KRTAP15-1: variants seen among roughly 807,000 people sequenced by gnomAD.
KRTAP15-1 encodes the protein keratin associated protein 15-1.
For missense variants in KRTAP15-1, 181 were observed against 156.8 expected, an observed-to-expected ratio of 1.15 and a Z score of -0.83; for synonymous variants, 65 against 59.6, an observed-to-expected ratio of 1.09 and a Z score of -0.42.
rs560022331 is a variant in KRTAP15-1 at position 30,440,846 on chromosome 21, A to G, written c.*105A>G. ...AACTGCAACACTCAGCCTGTCCAAT[A>G]TCTGTGATTGTTGACCATCTACATC... On this transcript the variant is annotated 3_prime_UTR_variant, in exon 1 of 1. Transcript: ENST00000334067. The G allele has an allele frequency of 7.0e-5, 78 of 1,114,090 alleles. No individual in the cohort carries two copies. The African/African-American group carries it at 9.7e-4, about 14-fold the overall frequency. The allele number at this position is 1,114,090 out of a possible 1,614,324, so 69.0% of individuals were successfully genotyped here. A position where few individuals can be genotyped will look rare whatever the true frequency, so the allele number is the denominator to read the frequency against.
chr21:30,440,291 T>C lies in KRTAP15-1; in HGVS notation c.-37T>C. ...GGTAACATTCACACACACACGCTCC[T>C]CACTGCAAATCACCTGAGCTCAGAA... On this transcript the variant is annotated 5_prime_UTR_variant, in exon 1 of 1. Coordinates refer to ENST00000334067, the MANE Select transcript of KRTAP15-1 (RefSeq NM_181623.3). 6.4e-7 allele frequency: 1 copy of C among 1,551,790 alleles called. No individual in the cohort carries two copies. Among genetic ancestry groups the C allele is most frequent in the Non-Finnish European group, 8.8e-7 (1 of 1,142,004 alleles).
At position 30,440,782 on chromosome 21, in the gene KRTAP15-1, T is replaced by C; in HGVS notation, c.*41T>C. ...CGCCTTTTTGGATCATCTTACTGAA[T>C]ATTCTCCATTCTCTCATGATTATTT... is the stretch of plus-strand genomic sequence containing the variant. On this transcript the variant is annotated 3_prime_UTR_variant, in exon 1 of 1. Coordinates refer to ENST00000334067, the MANE Select transcript of KRTAP15-1 (RefSeq NM_181623.3). 1.3e-6 allele frequency: 2 copies of C among 1,531,998 alleles called. No homozygotes were observed. The highest frequency in any genetic ancestry group is 1.7e-4 in the Middle Eastern group (1 of 5,722). 94.9% of individuals were successfully genotyped at this position (1,531,998 alleles called of 1,614,324 possible). A position where few individuals can be genotyped will look rare whatever the true frequency, so the allele number is the denominator to read the frequency against.
In KRTAP15-1 at chr21:30,440,459, C is replaced by T. The variant is rs747200576; in HGVS notation, c.132C>T (p.Gly44=). 5.6e-6 allele frequency: 9 copies of T among 1,614,200 alleles called. No individual in the cohort carries two copies. Among genetic ancestry groups the T allele is most frequent in the Non-Finnish European group, 7.6e-6 (9 of 1,180,022 alleles). The change falls in exon 1 of 1, where the codon GGC becomes GGT. Residue 44 remains glycine (G), a synonymous_variant. Coordinates refer to ENST00000334067, the MANE Select transcript of KRTAP15-1 (RefSeq NM_181623.3). ...ATTCTCCAAATACCTGCCAACTGGG[C>T]TCCTCTCTCTACAATGGCTGTCAGG... ...AIYSPNTCQL[G]SSLYNGCQET...
Position 30,440,837 on chromosome 21 carries a change from C to G in KRTAP15-1, c.*96C>G. ...ACTCTATGGAACTGCAACACTCAGCCTGTCCAATATCTGTGATTGTTGACC... is the reference window on the plus strand; with the variant it reads ...ACTCTATGGAACTGCAACACTCAGCGTGTCCAATATCTGTGATTGTTGACC... On this transcript the variant is annotated 3_prime_UTR_variant, in exon 1 of 1. Transcript: ENST00000334067. 2.6e-6 allele frequency: 3 copies of G among 1,174,460 alleles called. No individual in the cohort carries two copies. The highest frequency in any genetic ancestry group is 3.7e-6 in the Non-Finnish European group (3 of 818,810). The allele number at this position is 1,174,460 out of a possible 1,614,324, so 72.8% of individuals were successfully genotyped here.
chr21:30,440,374 G>A lies in KRTAP15-1; in HGVS notation c.47G>A (p.Gly16Glu), dbSNP rs750001395. 3 of 1,613,396 alleles carry A rather than the reference G, an allele frequency of 1.9e-6. No individual in the cohort carries two copies. Among genetic ancestry groups the A allele is most frequent in the South Asian group, 2.2e-5 (2 of 90,968 alleles). ...SSGNFSSCCF[G>E]SYLRYPVSTY... ...GGAAACTTCTCCTCCTGCTGTTTTG[G>A]AAGTTACCTGAGGTATCCAGTTTCC... The change falls in exon 1 of 1, where the codon GGA becomes GAA. Residue 16 changes from glycine to glutamate, a missense_variant. Gly to Glu is a moderately conservative substitution (Grantham distance 98). Coordinates refer to ENST00000334067, the MANE Select transcript of KRTAP15-1 (RefSeq NM_181623.3).
In KRTAP15-1 at chr21:30,440,785, T is replaced by G. The variant is rs372411701; in HGVS notation, c.*44T>G. The stretch of plus-strand genomic sequence containing the variant: ...CTTTTTGGATCATCTTACTGAATAT[T>G]CTCCATTCTCTCATGATTATTTCTG... On this transcript the variant is annotated 3_prime_UTR_variant, in exon 1 of 1. Transcript: ENST00000334067. The G allele has an allele frequency of 6.6e-7, 1 of 1,513,962 alleles. No homozygotes were observed. Among genetic ancestry groups the G allele is most frequent in the Non-Finnish European group, 9.0e-7 (1 of 1,113,474 alleles). The allele number at this position is 1,513,962 out of a possible 1,614,324, so 93.8% of individuals were successfully genotyped here.
chr21:30,440,549 C>CTGTTACTG, the KRTAP15-1 span: 1 of 1,614,202 alleles, frequency 6.2e-7, no homozygotes, highest in Admixed American at 1.7e-5. Context: ...ATCAGACATC[C>CTGTTACTG]TGTTACTGCC....
Position 30,440,839 on chromosome 21 carries a change from G to A in KRTAP15-1, c.*98G>A, listed in dbSNP as rs1205746055. ...TCTATGGAACTGCAACACTCAGCCT[G>A]TCCAATATCTGTGATTGTTGACCAT... On this transcript the variant is annotated 3_prime_UTR_variant, in exon 1 of 1. Coordinates refer to ENST00000334067, the MANE Select transcript of KRTAP15-1 (RefSeq NM_181623.3). 5.2e-6 allele frequency: 6 copies of A among 1,156,264 alleles called. No homozygotes were observed. In the African/African-American group the frequency reaches 7.8e-5, roughly 15 times the overall value. The allele number at this position is 1,156,264 out of a possible 1,614,324, so 71.6% of individuals were successfully genotyped here.
Position 30,440,351 on chromosome 21 carries a change from A to T in KRTAP15-1, c.24A>T (p.Gly8=). 6.2e-7 allele frequency: 1 copy of T among 1,609,924 alleles called. No homozygotes were observed. Among genetic ancestry groups the T allele is most frequent in the East Asian group, 2.2e-5 (1 of 44,874 alleles). Residue 8 remains glycine (G), a synonymous_variant, in exon 1 of 1, where the codon GGA becomes GGT. Transcript: ENST00000334067. ...ACATGTCTTACAACTGCAGCTCTGGAAACTTCTCCTCCTGCTGTTTTGGAA... is the reference window on the plus strand; with the variant it reads ...ACATGTCTTACAACTGCAGCTCTGGTAACTTCTCCTCCTGCTGTTTTGGAA... MSYNCSS[G]NFSSCCFGSY... is the part of the protein sequence containing the mutation.
At position 30,440,364 on chromosome 21, in the gene KRTAP15-1, T is replaced by C. The variant is rs1984685138; in HGVS notation, c.37T>C (p.Cys13Arg). The C allele has an allele frequency of 6.2e-7, 1 of 1,612,406 alleles. No homozygotes were observed. Among genetic ancestry groups the C allele is most frequent in the Non-Finnish European group, 8.5e-7 (1 of 1,179,110 alleles). The change falls in exon 1 of 1, where the codon TGC becomes CGC. Residue 13 changes from cysteine (C) to arginine (R), a missense_variant. Cys to Arg is a radical substitution (Grantham distance 180, BLOSUM62 -3). Transcript: ENST00000334067. ...YNCSSGNFSS[C>R]CFGSYLRYPV... ...CTGCAGCTCTGGAAACTTCTCCTCC[T>C]GCTGTTTTGGAAGTTACCTGAGGTA... is the stretch of plus-strand genomic sequence containing the variant.
Position 30,440,849 on chromosome 21 carries a change from T to C in KRTAP15-1, c.*108T>C, listed in dbSNP as rs1250433624. 5 of 1,078,050 alleles carry C rather than the reference T, an allele frequency of 4.6e-6. No homozygotes were observed. The highest frequency in any genetic ancestry group is 6.8e-6 in the Non-Finnish European group (5 of 733,446). 66.8% of individuals were successfully genotyped at this position (1,078,050 alleles called of 1,614,324 possible). A position where few individuals can be genotyped will look rare whatever the true frequency, so the allele number is the denominator to read the frequency against. ...TGCAACACTCAGCCTGTCCAATATC[T>C]GTGATTGTTGACCATCTACATCAGT... On this transcript the variant is annotated 3_prime_UTR_variant, in exon 1 of 1. Coordinates refer to ENST00000334067, the MANE Select transcript of KRTAP15-1 (RefSeq NM_181623.3).
Position 30,440,749 on chromosome 21 carries a change from T to C in KRTAP15-1, c.*8T>C. 6.2e-7 allele frequency: 1 copy of C among 1,603,806 alleles called. No homozygotes were observed. The highest frequency in any genetic ancestry group is 1.1e-5 in the South Asian group (1 of 89,720). ...CAGGCAACTTGTTACTAACCAGCCT[T>C]TGGGTCTCGCCTTTTTGGATCATCT... is the stretch of plus-strand genomic sequence containing the variant. On this transcript the variant is annotated 3_prime_UTR_variant, in exon 1 of 1. Transcript: ENST00000334067.
rs748362324 is a variant in KRTAP15-1, at chr21:30,440,705, C to G, written c.378C>G (p.Thr126=). The change falls in exon 1 of 1, where the codon ACC becomes ACG. Residue 126 remains threonine, a synonymous_variant. Transcript: ENST00000334067. ...DCGSSFYHPT[T]FSSRNFQATC... ...GGTCCAGCTTCTACCACCCAACTAC[C>G]TTTTCATCCAGGAATTTCCAGGCAA... 1.4e-5 allele frequency: 22 copies of G among 1,613,508 alleles called. No homozygotes were observed. Among genetic ancestry groups the G allele is most frequent in the Non-Finnish European group, 1.9e-5 (22 of 1,179,734 alleles).
At position 30,440,728 on chromosome 21, in the gene KRTAP15-1, C is replaced by A. The variant is rs1601132823; in HGVS notation, c.401C>A (p.Ala134Glu). Residue 134 changes from alanine (A) to glutamate (E), a missense_variant, in exon 1 of 1, where the codon GCA (alanine) becomes GAA (glutamate). By Grantham distance (107) the Ala-to-Glu change is moderately radical (BLOSUM62 -1). Coordinates refer to ENST00000334067, the MANE Select transcript of KRTAP15-1 (RefSeq NM_181623.3). Reference protein sequence around the residue: ...PTTFSSRNFQATCY With the variant: ...PTTFSSRNFQETCY ...ACCTTTTCATCCAGGAATTTCCAGG[C>A]AACTTGTTACTAACCAGCCTTTGGG... 2.5e-6 allele frequency: 4 copies of A among 1,612,146 alleles called. No individual in the cohort carries two copies. Among genetic ancestry groups the A allele is most frequent in the Non-Finnish European group, 3.4e-6 (4 of 1,179,036 alleles).
Position 30,440,655 on chromosome 21 carries a change from A to G in KRTAP15-1, c.328A>G (p.Thr110Ala), listed in dbSNP as rs760273009. 10 of 1,613,610 alleles carry G rather than the reference A, an allele frequency of 6.2e-6. No homozygotes were observed. Among genetic ancestry groups the G allele is most frequent in the Non-Finnish European group, 8.5e-6 (10 of 1,179,592 alleles). ...TGLGSLGCGS[T>A]GFQSLDCGSS... The stretch of plus-strand genomic sequence containing the variant: ...CCTTGGATCTCTTGGTTGTGGAAGC[A>G]CTGGCTTCCAATCTCTGGACTGTGG... The change falls in exon 1 of 1, where the codon ACT becomes GCT. Residue 110 changes from threonine (T) to alanine (A), a missense_variant. Physicochemically the swap from Thr to Ala is moderately conservative, Grantham distance 58. Coordinates refer to ENST00000334067, the MANE Select transcript of KRTAP15-1 (RefSeq NM_181623.3).
At position 30,440,365 on chromosome 21, in the gene KRTAP15-1, G is replaced by A. The variant is rs757288384; in HGVS notation, c.38G>A (p.Cys13Tyr). 1 of 1,612,252 alleles carries A rather than the reference G, an allele frequency of 6.2e-7. No individual in the cohort carries two copies. Among genetic ancestry groups the A allele is most frequent in the East Asian group, 2.2e-5 (1 of 44,864 alleles). The change falls in exon 1 of 1, where the codon TGC becomes TAC. Residue 13 changes from cysteine (C) to tyrosine (Y), a missense_variant. Physicochemically the swap from Cys to Tyr is radical, Grantham distance 194. Coordinates refer to ENST00000334067, the MANE Select transcript of KRTAP15-1 (RefSeq NM_181623.3). ...TGCAGCTCTGGAAACTTCTCCTCCT[G>A]CTGTTTTGGAAGTTACCTGAGGTAT... ...YNCSSGNFSS[C>Y]CFGSYLRYPV...
chr21:30,440,866 T>C lies in KRTAP15-1; in HGVS notation c.*125T>C. On this transcript the variant is annotated 3_prime_UTR_variant, in exon 1 of 1. Coordinates refer to ENST00000334067, the MANE Select transcript of KRTAP15-1 (RefSeq NM_181623.3). ...CCAATATCTGTGATTGTTGACCATC[T>C]ACATCAGTAGGACTCAGCATCCTAG... 2 of 922,466 alleles carry C rather than the reference T, an allele frequency of 2.2e-6. No homozygotes were observed. Among genetic ancestry groups the C allele is most frequent in the South Asian group, 3.3e-5 (2 of 60,964 alleles). 57.1% of individuals were successfully genotyped at this position (922,466 alleles called of 1,614,324 possible).
In KRTAP15-1 at chr21:30,440,470, A is replaced by G. The variant is rs761737701; in HGVS notation, c.143A>G (p.Tyr48Cys). 2 of 1,614,176 alleles carry G rather than the reference A, an allele frequency of 1.2e-6. No individual in the cohort carries two copies. Among genetic ancestry groups the G allele is most frequent in the South Asian group, 1.1e-5 (1 of 91,084 alleles). Residue 48 changes from tyrosine (Y) to cysteine (C), a missense_variant, in exon 1 of 1, where the codon TAC becomes TGC. Physicochemically the swap from Tyr to Cys is radical, Grantham distance 194 (BLOSUM62 -2). Transcript: ENST00000334067. ...PNTCQLGSSL[Y>C]NGCQETYCEP... ...ACCTGCCAACTGGGCTCCTCTCTCT[A>G]CAATGGCTGTCAGGAGACCTACTGT...
In KRTAP15-1 at chr21:30,440,770, C is replaced by T. The variant is rs1261250563; in HGVS notation, c.*29C>T. ...GCCTTTGGGTCTCGCCTTTTTGGATCATCTTACTGAATATTCTCCATTCTC... is the reference window on the plus strand; with the variant it reads ...GCCTTTGGGTCTCGCCTTTTTGGATTATCTTACTGAATATTCTCCATTCTC... On this transcript the variant is annotated 3_prime_UTR_variant, in exon 1 of 1. Transcript: ENST00000334067. 7.6e-6 allele frequency: 12 copies of T among 1,572,558 alleles called. No homozygotes were observed. The highest frequency in any genetic ancestry group is 3.4e-4 in the Middle Eastern group (2 of 5,874).
Sources: allele counts gnomAD v4.1 joint callset, GRCh38; gene constraint gnomAD v4.1.1; transcripts MANE v1.5; gene names NCBI Gene and HGNC (gene_info 2026-07-23, HGNC 2026-07-21).